XPR1: variants seen among roughly 807,000 people sequenced by gnomAD.
XPR1 encodes the protein solute carrier family 53 member 1.
XPR1 carries 28 observed loss-of-function variants against 87.5 expected under a neutral mutation model. That is an observed-to-expected ratio of 0.32 (90% confidence interval 0.24 to 0.44). The LOEUF (loss-of-function observed/expected upper bound fraction) is 0.44. Among genes scored for constraint, XPR1 ranks in the 20% least tolerant of loss-of-function variants. The probability of loss-of-function intolerance (pLI) is 1.00; values close to 1 mark genes in which losing one functional copy is unlikely to be tolerated. For missense variants in XPR1, 559 were observed against 862.3 expected, an observed-to-expected ratio of 0.65 and a Z score of 4.41; for synonymous variants, 300 against 306.1, an observed-to-expected ratio of 0.98 and a Z score of 0.21.
intron 1 of XPR1, among the ~76,000 whole-genome samples, chr1:180,633,414 A>C (rs890011348): frequency 1.1e-4 from 17 of 152,220 alleles, no homozygotes; most frequent in African/African-American, 4.1e-4. Context: ...GATTTTATGA[A>C]TTAAACTATT....
chr1:180,853,675 T>C (rs929995941), intron 11 of XPR1, among the ~76,000 whole-genome samples: 6 of 143,448 alleles, frequency 4.2e-5, no homozygotes, highest in Non-Finnish European at 9.5e-5. Context: ...ACACCCTACC[T>C]CTTAATTATC....
intron 4 of XPR1, among the ~76,000 whole-genome samples, chr1:180,804,158 G>A (rs973255520): frequency 1.3e-5 from 2 of 152,046 alleles, no homozygotes; most frequent in African/African-American, 4.8e-5. Context: ...GCTAATTTTT[G>A]TATTTTTAGT....
chr1:180,774,430 G>A (rs547767411), intron 2 of XPR1, among the ~76,000 whole-genome samples: 3 of 116,296 alleles, frequency 2.6e-5, no homozygotes, highest in South Asian at 2.8e-4. Context: ...TTGGTCTGTC[G>A]CCCAGGCTGG....
chr1:180,693,079 A>G lies in XPR1; in HGVS notation c.121+10668A>G, dbSNP rs533433499. Among the ~76,000 whole-genome samples the G allele has an allele frequency of 5.4e-4, 82 of 152,336 alleles. 1 individual carries two copies. Among genetic ancestry groups the G allele is most frequent in the Non-Finnish European group, 1.0e-3 (68 of 68,020 alleles). ...TAATGATAAAACATTAAATCATGGA[A>G]CAAAAAAGTTCTGGGAATTACAAAT... On this transcript the variant is annotated intron_variant, in intron 2 of 14. Transcript: ENST00000367590.
At chr1:180,738,566 G>A (rs2102019668) in intron 2 of XPR1, among the ~76,000 whole-genome samples, 1 of 152,240 alleles carries the variant, frequency 6.6e-6, no homozygotes, top group East Asian at 1.9e-4. Flanking sequence ...AGTGGTTTTA[G>A]TATATTCAGA....
intron 11 of XPR1, among the ~76,000 whole-genome samples, chr1:180,861,240 AC>A (rs1652210616): frequency 6.6e-6 from 1 of 152,060 alleles, no homozygotes; most frequent in South Asian, 2.1e-4. Context: ...CACATACCTT[AC>A]ATTCAGTTTT....
chr1:180,761,245 G>A (rs2102052441), intron 2 of XPR1, among the ~76,000 whole-genome samples: 2 of 151,964 alleles, frequency 1.3e-5, no homozygotes, highest in African/African-American at 4.8e-5. Flanking sequence ...AAAAGCAATG[G>A]CAACAAAAGC....
intron 1 of XPR1, among the ~76,000 whole-genome samples, chr1:180,658,936 A>G (rs1655635810): frequency 6.6e-6 from 1 of 152,172 alleles, no homozygotes. Context: ...ATGTTGAACC[A>G]TCCTTGCATT....
At chr1:180,704,881 T>C (rs962743638) in intron 2 of XPR1, among the ~76,000 whole-genome samples, 5 of 133,426 alleles carry the variant, frequency 3.7e-5, no homozygotes, top group African/African-American at 1.1e-4. Context: ...AGACACCACA[T>C]ACTGGACACT....
chr1:180,708,551 A>G (rs1437633634), intron 2 of XPR1, among the ~76,000 whole-genome samples: 1 of 151,988 alleles, frequency 6.6e-6, no homozygotes, highest in East Asian at 1.9e-4. Flanking sequence ...ATTTAGTTCT[A>G]AAATTTTTTA....
At chr1:180,635,068 A>G (rs1410342601) in intron 1 of XPR1, among the ~76,000 whole-genome samples, 1 of 152,084 alleles carries the variant, frequency 6.6e-6, no homozygotes, top group Non-Finnish European at 1.5e-5. Context: ...TAACCCATCA[A>G]TATCCTGAAA....
At chr1:180,673,233 T>A (rs1332458795) in intron 1 of XPR1, among the ~76,000 whole-genome samples, 3 of 152,152 alleles carry the variant, frequency 2.0e-5, no homozygotes, top group African/African-American at 7.2e-5. Flanking sequence ...ACATGAGAAA[T>A]TTGTTCTCAT....
chr1:180,704,277 T>TATATATATATATATATATATATA (rs59197475), intron 2 of XPR1, among the ~76,000 whole-genome samples: 9 of 136,152 alleles, frequency 6.6e-5, no homozygotes, highest in East Asian at 2.0e-4. Flanking sequence ...TATATATATA[T>TATATATATATATATATATATATA]TATCAGATTA....
chr1:180,841,879 A>T (rs1340310218), intron 11 of XPR1, among the ~76,000 whole-genome samples: 1 of 152,202 alleles, frequency 6.6e-6, no homozygotes. Flanking sequence ...AGGGAAAAAG[A>T]TTGAAAAGAC....
In XPR1 at chr1:180,888,728, C is replaced by T. The variant is rs1239719739; in HGVS notation, c.*4662C>T. 1 of 152,162 alleles carries T rather than the reference C, an allele frequency of 6.6e-6. No homozygotes were observed. Among genetic ancestry groups the T allele is most frequent in the Non-Finnish European group, 1.5e-5 (1 of 68,042 alleles). The allele number at this position is 152,162 out of a possible 1,614,324, so 9.4% of individuals were successfully genotyped here. On this transcript the variant is annotated 3_prime_UTR_variant, in exon 15 of 15. Coordinates refer to ENST00000367590, the MANE Select transcript of XPR1 (RefSeq NM_004736.4). ...TGCAAACACATACGTTTCTGCATTTCAGAAGTCAGTCTTGATAGTAAATCC... is the reference window on the plus strand; with the variant it reads ...TGCAAACACATACGTTTCTGCATTTTAGAAGTCAGTCTTGATAGTAAATCC...
intron 9 of XPR1, among the ~76,000 whole-genome samples, chr1:180,831,294 CTT>C (rs1651051215): frequency 6.6e-6 from 1 of 151,668 alleles, no homozygotes; most frequent in Non-Finnish European, 1.5e-5. Flanking sequence ...GTGCTTCTAT[CTT>C]TTGCTGCTCT....
At chr1:180,761,238 A>G (rs927687543) in intron 2 of XPR1, among the ~76,000 whole-genome samples, 17 of 152,234 alleles carry the variant, frequency 1.1e-4, no homozygotes, top group African/African-American at 4.1e-4. Flanking sequence ...AAACACCAAA[A>G]GCAATGGCAA....
chr1:180,768,037 G>A (rs1014214448), intron 2 of XPR1, among the ~76,000 whole-genome samples: 1 of 151,924 alleles, frequency 6.6e-6, no homozygotes, highest in African/African-American at 2.4e-5. Flanking sequence ...GTAAAGACAC[G>A]GTTTCACTGT....
chr1:180,632,070 G>T lies in XPR1; in HGVS notation c.-132G>T. 1 of 1,048,512 alleles carries T rather than the reference G, an allele frequency of 9.5e-7. No individual in the cohort carries two copies. The allele number at this position is 1,048,512 out of a possible 1,614,324, so 65.0% of individuals were successfully genotyped here. A position where few individuals can be genotyped will look rare whatever the true frequency, so the allele number is the denominator to read the frequency against. ...GGGCGGGCTGCTCTGAAGAGACCTC[G>T]GCGGCGGCGGAGGAGGAGAGAAGCG... On this transcript the variant is annotated 5_prime_UTR_variant, in exon 1 of 15. Coordinates refer to ENST00000367590, the MANE Select transcript of XPR1 (RefSeq NM_004736.4).
Sources: gnomAD v4.1 joint callset for allele counts (sites outside exome capture counted in the v4.1 genomes callset) on GRCh38, gnomAD v4.1.1 for gene constraint, MANE v1.5 for transcripts, NCBI Gene and HGNC (gene_info 2026-07-23, HGNC 2026-07-21) for gene names.